Variants in VWA3B observed in about 807,000 individuals in gnomAD.
VWA3B encodes the protein von Willebrand factor A domain-containing protein 3B.
Under a neutral mutation model 158.3 loss-of-function variants are expected in VWA3B, and 138 were observed. That is an observed-to-expected ratio of 0.87 (90% CI 0.76 to 1.00). The LOEUF (loss-of-function observed/expected upper bound fraction) is 1.00, where lower values mean the gene tolerates loss of function less well. Ranked by LOEUF, VWA3B falls within the 50% of genes least tolerant of loss-of-function variation. The pLI is 0.00. For synonymous variants in VWA3B, 596 were observed against 587.3 expected, an observed-to-expected ratio of 1.01 and a Z score of -0.21; for missense variants, 1,555 against 1,565.1, an observed-to-expected ratio of 0.99 and a Z score of 0.11.
intron 2 of VWA3B, among the ~76,000 whole-genome samples, chr2:98,106,106 T>C (rs1673628619): frequency 6.6e-6 from 1 of 151,902 alleles, no homozygotes; most frequent in Admixed American, 6.6e-5. Context: ...TAGTAGAGAC[T>C]GTGTTTCATC....
In VWA3B at chr2:98,297,975, G is replaced by A. The variant is rs771997362; in HGVS notation, c.3226G>A (p.Val1076Met). Residue 1076 changes from valine (V) to methionine (M), a missense_variant, in exon 24 of 28, where the codon GTG becomes ATG. Coordinates refer to ENST00000477737, the MANE Select transcript of VWA3B (RefSeq NM_144992.5). ...VGFSYGDTKV[V>M]STSFITPVGG... The stretch of plus-strand genomic sequence containing the variant: ...CTTCAGTTACGGAGACACCAAGGTC[G>A]TGTCCACCTCCTTCATCACGCCTGT... The A allele has an allele frequency of 3.1e-5, 50 of 1,587,690 alleles. No homozygotes were observed. The highest frequency in any genetic ancestry group is 7.1e-5 in the East Asian group (3 of 42,116).
rs887392280 is a variant in VWA3B at position 98,165,533 on chromosome 2, T to TGCAGAGG, written c.1114+2569_1114+2575dup. On this transcript the variant is annotated intron_variant, in intron 8 of 27. Transcript: ENST00000477737. ...TGCAGTGCCTCCTGGGTTACAGAGG[T>TGCAGAGG]GCAGAGGGCAGAGGGCAGGGAGGTC... 3.3e-5 allele frequency among the ~76,000 whole-genome samples: 5 copies of TGCAGAGG among 151,872 alleles called. No homozygotes were observed. In the South Asian group the frequency reaches 8.4e-4, roughly 25 times the overall value.
At chr2:98,225,900 G>A (rs1252924980) in intron 14 of VWA3B, among the ~76,000 whole-genome samples, 1 of 152,224 alleles carries the variant, frequency 6.6e-6, no homozygotes, top group African/African-American at 2.4e-5. Flanking sequence ...GCAGTTTTAT[G>A]TTGAAAATTA....
chr2:98,166,821 CA>C (rs1299816190), intron 8 of VWA3B, among the ~76,000 whole-genome samples: 4 of 152,158 alleles, frequency 2.6e-5, no homozygotes, highest in Middle Eastern at 3.4e-3. Context: ...CACACACACA[CA>C]CACTCAAACT....
rs561511891 is a variant in VWA3B, at chr2:98,267,867, A to G, written c.2844-2815A>G. ...AAATGGTAAGGGGGATATCACCACC[A>G]ATCCCACAGAAATACAAACTACCAT... On this transcript the variant is annotated intron_variant, in intron 21 of 27. Coordinates refer to ENST00000477737, the MANE Select transcript of VWA3B (RefSeq NM_144992.5). Among the ~76,000 whole-genome samples, 410 of 152,204 alleles carry G rather than the reference A, an allele frequency of 2.7e-3. 6 individuals are homozygous for G. Among genetic ancestry groups the G allele is most frequent in the Middle Eastern group, 0.024 (7 of 294 alleles).
chr2:98,143,227 C>G (rs534572610), intron 7 of VWA3B, among the ~76,000 whole-genome samples: 1 of 152,038 alleles, frequency 6.6e-6, no homozygotes, highest in Non-Finnish European at 1.5e-5. Flanking sequence ...TTAGTGGAGA[C>G]GAGGTTTCAC....
At chr2:98,302,001 T>C (rs1574313725) in intron 25 of VWA3B, among the ~76,000 whole-genome samples, 1 of 152,294 alleles carries the variant, frequency 6.6e-6, no homozygotes, top group East Asian at 1.9e-4. Context: ...ATGATGTAGT[T>C]TGCCTGATTG....
chr2:98,237,860 A>G lies in VWA3B; in HGVS notation c.2673+1130A>G, dbSNP rs114304892. Among the ~76,000 whole-genome samples, 981 of 152,258 alleles carry G rather than the reference A, an allele frequency of 6.4e-3. 6 individuals are homozygous for G. The highest frequency in any genetic ancestry group is 0.023 in the African/African-American group (936 of 41,546). On this transcript the variant is annotated intron_variant, in intron 19 of 27. Coordinates refer to ENST00000477737, the MANE Select transcript of VWA3B (RefSeq NM_144992.5). ...GATGCTTGGGGTTTGCTTTATTGTA[A>G]TTGGGGTGGTGGAGTAGTGGGCGGG...
chr2:98,301,174 C>T (rs1304072758), intron 25 of VWA3B, among the ~76,000 whole-genome samples: 1 of 151,950 alleles, frequency 6.6e-6, no homozygotes, highest in East Asian at 1.9e-4. Flanking sequence ...CCTGTAGTCC[C>T]AGCTACTCGG....
intron 12 of VWA3B, chr2:98,207,524 TACA>T (rs1387182063): frequency 1.9e-6 from 1 of 518,866 alleles, no homozygotes; most frequent in Non-Finnish European, 3.9e-6. Flanking sequence ...ATGTGGATAA[TACA>T]ACGTTTCTTG....
Position 98,158,213 on chromosome 2 carries a change from C to G in VWA3B, c.989-4638C>G, listed in dbSNP as rs539403973. On this transcript the variant is annotated intron_variant, in intron 7 of 27. Coordinates refer to ENST00000477737, the MANE Select transcript of VWA3B (RefSeq NM_144992.5). ...AGGACAGAAATTCTTGCAGAAAATA[C>G]TAGATAGAACCTGGGCTGAGTGCTG... 9.7e-4 allele frequency among the ~76,000 whole-genome samples: 148 copies of G among 152,190 alleles called. 1 individual carries two copies. In the Middle Eastern group the frequency reaches 0.01, roughly 10 times the overall value.
At chr2:98,204,940 G>A (rs1036578887) in intron 12 of VWA3B, among the ~76,000 whole-genome samples, 10 of 152,102 alleles carry the variant, frequency 6.6e-5, no homozygotes, top group African/African-American at 2.2e-4. Context: ...GGAAAACCCC[G>A]TCTCTACTTA....
chr2:98,155,584 T>C (rs925373002), intron 7 of VWA3B, among the ~76,000 whole-genome samples: 10 of 152,224 alleles, frequency 6.6e-5, no homozygotes, highest in African/African-American at 2.4e-4. Context: ...GTAACGTGTT[T>C]AAGTTCCCAG....
chr2:98,211,100 T>C (rs1407086500), intron 12 of VWA3B, among the ~76,000 whole-genome samples: 1 of 152,214 alleles, frequency 6.6e-6, no homozygotes, highest in Non-Finnish European at 1.5e-5. Context: ...TCGTTCCTGA[T>C]GAGAGGTCCC....
At chr2:98,103,062 C>G (rs1444908573) in intron 2 of VWA3B, among the ~76,000 whole-genome samples, 1 of 152,158 alleles carries the variant, frequency 6.6e-6, no homozygotes, top group Non-Finnish European at 1.5e-5. Context: ...CCCTTAACAG[C>G]CTTTTAATGC....
chr2:98,251,335 T>C (rs1421066230), intron 20 of VWA3B, among the ~76,000 whole-genome samples: 1 of 152,174 alleles, frequency 6.6e-6, no homozygotes, highest in Admixed American at 6.5e-5. Flanking sequence ...AAGTGACTAA[T>C]AAAACTCGAC....
At chr2:98,135,299 T>C (rs182947879) in intron 7 of VWA3B, among the ~76,000 whole-genome samples, 1 of 151,384 alleles carries the variant, frequency 6.6e-6, no homozygotes, top group East Asian at 1.9e-4. Flanking sequence ...CTTTGAAGCA[T>C]GCAAATTACA....
At chr2:98,163,856 G>T (rs1358868402) in intron 8 of VWA3B, among the ~76,000 whole-genome samples, 1 of 152,150 alleles carries the variant, frequency 6.6e-6, no homozygotes, top group Non-Finnish European at 1.5e-5. Flanking sequence ...GATACTGAGG[G>T]TGGGGCATTC....
At chr2:98,179,662 TTC>T (rs1402240487) in intron 8 of VWA3B, among the ~76,000 whole-genome samples, 3 of 152,130 alleles carry the variant, frequency 2.0e-5, no homozygotes, top group South Asian at 2.1e-4. Flanking sequence ...TTTCTCTTTT[TTC>T]TCTTTCTTTT....
Sources: allele counts gnomAD v4.1 joint callset (sites outside exome capture counted in the v4.1 genomes callset), GRCh38; gene constraint gnomAD v4.1.1; transcripts MANE v1.5; gene names NCBI Gene and HGNC (gene_info 2026-07-23, HGNC 2026-07-21).